PTPRD: variants seen among roughly 807,000 people sequenced by gnomAD.
The protein encoded by PTPRD is protein tyrosine phosphatase receptor type D, also known as receptor-type tyrosine-protein phosphatase delta.
Under a neutral mutation model 214.5 loss-of-function variants are expected in PTPRD, and 34 were observed. The observed-to-expected ratio is 0.16, with a 90% confidence interval of 0.12 to 0.21. The LOEUF (loss-of-function observed/expected upper bound fraction) is 0.21, where lower values mean the gene tolerates loss of function less well. Ranked by LOEUF, PTPRD falls within the 10% of genes least tolerant of loss-of-function variation. The probability of loss-of-function intolerance (pLI) is 1.00; values close to 1 mark genes in which losing one functional copy is unlikely to be tolerated. For missense variants in PTPRD, 2,545 were observed against 2,398.7 expected (o/e 1.06, Z -1.27); for synonymous variants, 1,128 against 845.7 (o/e 1.33, Z -5.79).
At chr9:8,474,573 C>T (rs1170631532) in intron 30 of PTPRD, among the ~76,000 whole-genome samples, 1 of 152,182 alleles carries the variant, frequency 6.6e-6, no homozygotes, top group Admixed American at 6.5e-5. Context: ...CCCAGTTAGG[C>T]CTTCAACACG....
At chr9:9,069,027 TA>T (rs928512941) in intron 10 of PTPRD, among the ~76,000 whole-genome samples, 2 of 152,234 alleles carry the variant, frequency 1.3e-5, no homozygotes, top group East Asian at 3.9e-4. Context: ...CAAAGGAAAA[TA>T]AAAAGCACCC....
At chr9:10,550,276 A>G (rs1328259972) in intron 2 of PTPRD, among the ~76,000 whole-genome samples, 2 of 152,260 alleles carry the variant, frequency 1.3e-5, no homozygotes, top group African/African-American at 4.8e-5. Context: ...TTTTATACAT[A>G]TATAATTTTT....
intron 34 of PTPRD, among the ~76,000 whole-genome samples, chr9:8,444,642 C>T (rs115312465): frequency 9.9e-5 from 15 of 151,986 alleles, no homozygotes; most frequent in African/African-American, 3.6e-4. Context: ...TTCAAACGTA[C>T]ACAAAATTAA....
intron 14 of PTPRD, among the ~76,000 whole-genome samples, chr9:8,534,740 G>C (rs559306255): frequency 1.3e-5 from 2 of 151,786 alleles, no homozygotes; most frequent in Non-Finnish European, 2.9e-5. Flanking sequence ...GCAGCAGAAA[G>C]TCAGTGGATT....
At chr9:8,360,212 T>C (rs7035451) in intron 39 of PTPRD, among the ~76,000 whole-genome samples, 2,716 of 152,242 alleles carry the variant, frequency 0.018, 90 homozygotes, top group African/African-American at 0.061. Flanking sequence ...TAAAGTACCA[T>C]TGAATTAGGT....
At chr9:8,484,686 G>A (rs1483185499) in intron 29 of PTPRD, among the ~76,000 whole-genome samples, 2 of 134,840 alleles carry the variant, frequency 1.5e-5, no homozygotes, top group African/African-American at 3.0e-5. Flanking sequence ...AATGGAATAT[G>A]TGCAGAAAAG....
chr9:9,005,277 C>T (rs1174988128), intron 11 of PTPRD, among the ~76,000 whole-genome samples: 1 of 152,026 alleles, frequency 6.6e-6, no homozygotes, highest in Non-Finnish European at 1.5e-5. Context: ...ATCTGAGTGA[C>T]AATTTGCTCC....
chr9:8,824,715 C>T (rs2097141872), intron 11 of PTPRD, among the ~76,000 whole-genome samples: 1 of 152,054 alleles, frequency 6.6e-6, no homozygotes, highest in Non-Finnish European at 1.5e-5. Flanking sequence ...GAATACTGAT[C>T]CAGATTTTTA....
chr9:10,197,934 T>A (rs978590322), intron 3 of PTPRD, among the ~76,000 whole-genome samples: 1 of 152,118 alleles, frequency 6.6e-6, no homozygotes, highest in African/African-American at 2.4e-5. Flanking sequence ...GAAATATAAC[T>A]TAATACTTCT....
intron 5 of PTPRD, among the ~76,000 whole-genome samples, chr9:9,782,269 G>A (rs1253946179): frequency 6.6e-6 from 1 of 152,070 alleles, no homozygotes; most frequent in East Asian, 1.9e-4. Context: ...AAGATATACT[G>A]TCTTACAGGT....
Position 10,059,576 on chromosome 9 carries a change from G to T in PTPRD, c.-544-25786C>A, listed in dbSNP as rs532417422. On this transcript the variant is annotated intron_variant, in intron 3 of 45. Transcript: ENST00000381196. ...GACTATGACCTTACTTTGAATTAGA[G>T]AATTTAGGTGCTTAGCATTTGAACA... Among the ~76,000 whole-genome samples, 7 of 152,090 alleles carry T rather than the reference G, an allele frequency of 4.6e-5. No homozygotes were observed. In the South Asian group the frequency reaches 8.3e-4, roughly 18 times the overall value.
chr9:8,515,052 C>T (rs760173325), intron 21 of PTPRD, among the ~76,000 whole-genome samples: 1 of 152,136 alleles, frequency 6.6e-6, no homozygotes, highest in Non-Finnish European at 1.5e-5. Context: ...AATTGTGAGT[C>T]GATTAAACCT....
intron 5 of PTPRD, among the ~76,000 whole-genome samples, chr9:9,926,512 A>G (rs1602413935): frequency 6.6e-6 from 1 of 152,298 alleles, no homozygotes; most frequent in Admixed American, 6.5e-5. Context: ...GAATGCATAC[A>G]ACAGAGAAAA....
At chr9:10,518,448 G>C (rs1016582473) in intron 2 of PTPRD, among the ~76,000 whole-genome samples, 2 of 152,084 alleles carry the variant, frequency 1.3e-5, no homozygotes, top group African/African-American at 4.8e-5. Flanking sequence ...GTGAAATAAA[G>C]ATGTTTCATT....
intron 3 of PTPRD, among the ~76,000 whole-genome samples, chr9:10,133,988 AG>A (rs774691148): frequency 2.0e-5 from 3 of 152,108 alleles, no homozygotes; most frequent in Non-Finnish European, 4.4e-5. Context: ...TATCAAAACT[AG>A]TATGTAAAAT....
chr9:8,358,609 T>C (rs1367685136), intron 39 of PTPRD, among the ~76,000 whole-genome samples: 1 of 152,202 alleles, frequency 6.6e-6, no homozygotes. Context: ...AAATACATTT[T>C]AAATAATAGC....
rs183942664 is a variant in PTPRD at position 9,088,470 on chromosome 9, C to T, written c.-142-69735G>A. ...TGGCAGGCACCTATAATCCCAGCTA[C>T]TCGGGAGGATGAGGCATGAGATTTG... On this transcript the variant is annotated intron_variant, in intron 10 of 45. Transcript: ENST00000381196. 1.7e-3 allele frequency among the ~76,000 whole-genome samples: 250 copies of T among 148,898 alleles called. 1 individual carries two copies. The highest frequency in any genetic ancestry group is 3.1e-3 in the Non-Finnish European group (207 of 67,454).
intron 9 of PTPRD, among the ~76,000 whole-genome samples, chr9:9,396,782 G>C (rs2068004724): frequency 6.6e-6 from 1 of 151,978 alleles, no homozygotes; most frequent in African/African-American, 2.4e-5. Flanking sequence ...GAAGTAAAAT[G>C]AGTAACAATT....
At chr9:10,406,452 G>A (rs2098360534) in intron 2 of PTPRD, among the ~76,000 whole-genome samples, 2 of 151,530 alleles carry the variant, frequency 1.3e-5, no homozygotes, top group African/African-American at 4.8e-5. Flanking sequence ...AGAAAAAAGT[G>A]AACTGTGTGT....
Sources: gnomAD v4.1 joint callset for allele counts (sites outside exome capture counted in the v4.1 genomes callset) on GRCh38, gnomAD v4.1.1 for gene constraint, MANE v1.5 for transcripts, NCBI Gene and HGNC (gene_info 2026-07-23, HGNC 2026-07-21) for gene names.